Variants in HSPD1 observed in about 807,000 individuals in gnomAD.
The protein encoded by HSPD1 is 60 kDa heat shock protein, mitochondrial.
HSPD1 carries 3 observed loss-of-function variants against 53.0 expected under a neutral mutation model. The ratio of observed to expected loss-of-function variants is 0.06; its 90% CI spans 0.03 to 0.15. The LOEUF is 0.15. Ranked by LOEUF, HSPD1 falls within the 10% of genes least tolerant of loss-of-function variation. The pLI is 1.00. For synonymous variants in HSPD1, 200 were observed against 228.0 expected, an observed-to-expected ratio of 0.88 and a Z score of 1.10; for missense variants, 431 against 694.1, an observed-to-expected ratio of 0.62 and a Z score of 4.26.
intron 3 of HSPD1, chr2:197,496,812 T>C (rs1018383123): frequency 1.3e-5 from 5 of 378,462 alleles, no homozygotes; most frequent in African/African-American, 2.1e-5. Context: ...TGAGTGCCTG[T>C]AGTAGTCCCA....
intron 2 of HSPD1, chr2:197,497,597 G>A: frequency 1.7e-6 from 1 of 599,462 alleles, no homozygotes; most frequent in Non-Finnish European, 3.0e-6. Flanking sequence ...TCTGCCAAGA[G>A]CATAATTTTG....
At position 197,497,215 on chromosome 2, in the gene HSPD1, C is replaced by G; in HGVS notation, c.352G>C (p.Val118Leu). Residue 118 changes from valine (V) to leucine (L), a missense_variant, in exon 3 of 12, where the codon GTA becomes CTA. Physicochemically the swap from Val to Leu is conservative, Grantham distance 32 (BLOSUM62 1). This residue lies in a region of HSPD1 where 386 missense variants were observed against 657.6 expected (regional missense o/e 0.59). Transcript: ENST00000388968. ...EAGDGTTTAT[V>L]LARSIAKEGF... The stretch of plus-strand genomic sequence containing the variant: ...TCCTTGGCTATAGAGCGTGCCAGTA[C>G]AGTAGCAGTGGTAGTGCCATCCCCA... The G allele has an allele frequency of 6.2e-7, 1 of 1,613,896 alleles. No individual in the cohort carries two copies. Among genetic ancestry groups the G allele is most frequent in the Non-Finnish European group, 8.5e-7 (1 of 1,179,756 alleles).
rs1398951749 is a variant in HSPD1, at chr2:197,498,656, A to G, written c.174+19T>C. 6.2e-7 allele frequency: 1 copy of G among 1,606,584 alleles called. No individual in the cohort carries two copies. Among genetic ancestry groups the G allele is most frequent in the African/African-American group, 1.3e-5 (1 of 74,856 alleles). ...CTATTAATAATACCGTAATTACAAT[A>G]AAATAAAAATACTGGTACCTTTGGC... On this transcript the variant is annotated intron_variant, in intron 2 of 11. Coordinates refer to ENST00000388968, the MANE Select transcript of HSPD1 (RefSeq NM_002156.5).
Position 197,495,279 on chromosome 2 carries a change from A to C in HSPD1, c.510+15T>G. The C allele has an allele frequency of 6.5e-7, 1 of 1,528,550 alleles. No homozygotes were observed. Among genetic ancestry groups the C allele is most frequent in the South Asian group, 1.1e-5 (1 of 88,826 alleles). 94.7% of individuals were successfully genotyped at this position (1,528,550 alleles called of 1,614,324 possible). A position where few individuals can be genotyped will look rare whatever the true frequency, so the allele number is the denominator to read the frequency against. On this transcript the variant is annotated intron_variant, in intron 4 of 11. Coordinates refer to ENST00000388968, the MANE Select transcript of HSPD1 (RefSeq NM_002156.5). ...AAATTTTTTTTAAAAAACGTGTAAC[A>C]TGTTAAGTCCTTACCTGTGCAATTT...
At chr2:197,489,325 A>G in intron 8 of HSPD1, 78 bp from the exon 9 acceptor site, 1 of 1,376,572 alleles carries the variant, frequency 7.3e-7, no homozygotes, top group East Asian at 2.3e-5. Flanking sequence ...TACACCATGC[A>G]AGAGAATCAT....
intron 11 of HSPD1, among the ~76,000 whole-genome samples, 173 bp from the exon 12 acceptor site, chr2:197,487,371 A>AC (rs1389349638): frequency 2.6e-5 from 4 of 151,656 alleles, no homozygotes; most frequent in East Asian, 1.9e-4. Context: ...ACATGATGAG[A>AC]CCCCGTCTCT....
chr2:197,489,828 C>G (rs1007503937), intron 8 of HSPD1, among the ~76,000 whole-genome samples: 5 of 151,598 alleles, frequency 3.3e-5, no homozygotes, highest in Admixed American at 6.6e-5. Flanking sequence ...GCATTCCAGC[C>G]TGGGTGACAG....
chr2:197,494,854 C>A, intron 4 of HSPD1, 102 bp from the exon 5 acceptor site: 1 of 793,422 alleles, frequency 1.3e-6, no homozygotes, highest in Non-Finnish European at 2.3e-6. Flanking sequence ...TACTTCCATC[C>A]AGGGGAGAGA....
At chr2:197,500,117 A>G (rs535199888), upstream of HSPD1, 9 of 459,316 alleles carry the variant, frequency 2.0e-5, no homozygotes, top group South Asian at 1.9e-4. Context: ...CAAGGGTCAA[A>G]TCGCGTCATT....
intron 2 of HSPD1, 39 bp from the exon 3 acceptor site, chr2:197,497,431 AG>A: frequency 6.2e-7 from 1 of 1,602,508 alleles, no homozygotes; most frequent in Non-Finnish European, 8.5e-7. Context: ...ACATACCCTA[AG>A]GATGATTTAC....
chr2:197,487,245 C>T, intron 11 of HSPD1, 47 bp from the exon 12 acceptor site: 2 of 1,551,908 alleles, frequency 1.3e-6, no homozygotes, highest in Non-Finnish European at 1.8e-6. Flanking sequence ...AAAATATGAG[C>T]AAGACTTATT....
Position 197,492,119 on chromosome 2 carries a change from CGCA to C in HSPD1, c.869+1202_869+1204del, listed in dbSNP as rs1203105955. Reference sequence around the variant, plus strand: ...CTGCAGTGAGCTATGATCGTGCCGCCGCAGGCCAGCCTGGGTGACAGAGTCTGT... The same window carrying C: ...CTGCAGTGAGCTATGATCGTGCCGCCGGCCAGCCTGGGTGACAGAGTCTGT... On this transcript the variant is annotated intron_variant, in intron 7 of 11. Transcript: ENST00000388968. Among the ~76,000 whole-genome samples the C allele has an allele frequency of 2.0e-5, 3 of 152,132 alleles. 1 individual carries two copies. Among genetic ancestry groups the C allele is most frequent in the Admixed American group, 2.0e-4 (3 of 15,266 alleles).
At chr2:197,495,935 C>G (rs2086152256) in intron 3 of HSPD1, among the ~76,000 whole-genome samples, 1 of 152,164 alleles carries the variant, frequency 6.6e-6, no homozygotes, top group African/African-American at 2.4e-5. Context: ...TTTCAAAAGT[C>G]TCACCACTGA....
At chr2:197,489,483 A>G (rs1254036527) in intron 8 of HSPD1, among the ~76,000 whole-genome samples, 1 of 152,186 alleles carries the variant, frequency 6.6e-6, no homozygotes, top group Non-Finnish European at 1.5e-5. Context: ...AGAAAAAAAC[A>G]TCGAAGGTCA....
rs931217443 is a variant in HSPD1 at position 197,493,457 on chromosome 2, A to G, written c.736T>C (p.Leu246=). ...ATACTAGAAATTTTCTTTTCACTCA[A>G]CAGAACATAGGCATCCTGGAATTCA... ...KCEFQDAYVL[L]SEKKISSIQS... is the part of the protein sequence containing the mutation. The change falls in exon 7 of 12, where the codon TTG becomes CTG. Residue 246 remains leucine, a synonymous_variant. Coordinates refer to ENST00000388968, the MANE Select transcript of HSPD1 (RefSeq NM_002156.5). 2.5e-6 allele frequency: 4 copies of G among 1,612,994 alleles called. No homozygotes were observed. Among genetic ancestry groups the G allele is most frequent in the African/African-American group, 1.3e-5 (1 of 74,914 alleles).
intron 4 of HSPD1, 30 bp downstream of exon 4, chr2:197,495,264 T>A (rs745901675): frequency 8.7e-5 from 122 of 1,398,238 alleles, no homozygotes; most frequent in African/African-American, 6.4e-4. Flanking sequence ...AAATTTTTTT[T>A]AAAAAACGTG....
intron 7 of HSPD1, among the ~76,000 whole-genome samples, chr2:197,491,932 C>G (rs1260431534): frequency 1.3e-5 from 2 of 152,066 alleles, no homozygotes; most frequent in Non-Finnish European, 2.9e-5. Context: ...TAAGATTCAC[C>G]AACAGTTTAA....
chr2:197,493,238 A>AC (rs1375498628), intron 7 of HSPD1, 86 bp downstream of exon 7: 1 of 1,104,014 alleles, frequency 9.1e-7, no homozygotes, highest in African/African-American at 1.5e-5. Context: ...ATGTGGAGGT[A>AC]CACATGATGG....
In HSPD1 at chr2:197,498,858, T is replaced by G; in HGVS notation, c.-2-8A>C. ...TGGGTAACCGAAGCATTTCTGGGGA[T>G]GGAAGCAAAAAGATCATCAGAACTA... On this transcript the variant is annotated splice_polypyrimidine_tract_variant and splice_region_variant and intron_variant, in intron 1 of 11. Coordinates refer to ENST00000388968, the MANE Select transcript of HSPD1 (RefSeq NM_002156.5). The G allele has an allele frequency of 3.7e-6, 6 of 1,613,950 alleles. No homozygotes were observed. The highest frequency in any genetic ancestry group is 5.1e-6 in the Non-Finnish European group (6 of 1,179,924).
Sources: gnomAD v4.1 joint callset for allele counts (sites outside exome capture counted in the v4.1 genomes callset) on GRCh38, gnomAD v4.1.1 for gene constraint, gnomAD v4.1.1 regional missense constraint, MANE v1.5 for transcripts, NCBI Gene and HGNC (gene_info 2026-07-23, HGNC 2026-07-21) for gene names.